The following FBXL2 variants were observed in gnomAD, a reference collection of about 807,000 sequenced individuals.
The protein encoded by FBXL2 is F-box and leucine rich repeat protein 2.
A neutral mutation model predicts 69.2 loss-of-function variants in FBXL2; 38 were observed. The ratio of observed to expected loss-of-function variants is 0.55; its 90% CI spans 0.42 to 0.72. FBXL2 has a LOEUF of 0.72. Among genes scored for constraint, FBXL2 ranks in the 30% least tolerant of loss-of-function variants. The probability of loss-of-function intolerance (pLI) is 0.00; values close to 1 mark genes in which losing one functional copy is unlikely to be tolerated. For missense variants in FBXL2, 354 were observed against 520.3 expected, an observed-to-expected ratio of 0.68 and a Z score of 3.11; for synonymous variants, 192 against 201.3, an observed-to-expected ratio of 0.95 and a Z score of 0.39.
intron 2 of FBXL2, chr3:33,300,490 GACTTATGTTCCC>G (rs1466235407): frequency 1.3e-5 from 2 of 152,110 alleles, no homozygotes; most frequent in Non-Finnish European, 2.9e-5. Flanking sequence ...TCTCTTCATA[GACTTATGTTCCC>G]ACTTGTATTC....
chr3:33,382,361 C>T (rs2043120478), intron 13 of FBXL2, among the ~76,000 whole-genome samples: 1 of 152,192 alleles, frequency 6.6e-6, no homozygotes, highest in Admixed American at 6.5e-5. Context: ...TCAACATTAT[C>T]ATGACCCCGG....
At chr3:33,380,555 TAAAAAAA>T (rs57394351) in intron 13 of FBXL2, among the ~76,000 whole-genome samples, 6 of 97,326 alleles carry the variant, frequency 6.2e-5, no homozygotes, top group South Asian at 6.2e-4. Context: ...CAAAACTCCA[TAAAAAAA>T]AAAAAAAAAA....
intron 12 of FBXL2, chr3:33,400,961 C>T: frequency 6.3e-7 from 1 of 1,593,916 alleles, no homozygotes; most frequent in Non-Finnish European, 8.5e-7. Flanking sequence ...AAGATACTTA[C>T]TTCACCAGAG....
intron 2 of FBXL2, among the ~76,000 whole-genome samples, chr3:33,311,863 A>T (rs1000602056): frequency 2.0e-5 from 3 of 151,844 alleles, no homozygotes; most frequent in African/African-American, 7.3e-5. Context: ...TGACCCCATG[A>T]TCCCTCGCCT....
intron 12 of FBXL2, chr3:33,400,822 A>G (rs1368781226): frequency 1.2e-6 from 1 of 803,440 alleles, no homozygotes; most frequent in Non-Finnish European, 2.0e-6. Context: ...ATGGACACCC[A>G]AAATATCCTG....
chr3:33,384,832 G>C (rs1349469858), intron 14 of FBXL2, among the ~76,000 whole-genome samples: 1 of 151,930 alleles, frequency 6.6e-6, no homozygotes, highest in African/African-American at 2.4e-5. Context: ...CAAGGTCAAG[G>C]GTTCGAGACC....
At chr3:33,410,027 A>C in the FBXL2 span, among the ~76,000 whole-genome samples, 3 of 152,144 alleles carry the variant, frequency 2.0e-5, no homozygotes. Context: ...CATTACCCCT[A>C]TTCTACCCAG....
At chr3:33,380,526 CCA>C (rs1366668952) in intron 13 of FBXL2, among the ~76,000 whole-genome samples, 2 of 148,590 alleles carry the variant, frequency 1.3e-5, no homozygotes, top group African/African-American at 5.0e-5. Flanking sequence ...CCATTGCACT[CCA>C]GCCTGGGCAA....
the FBXL2 span, among the ~76,000 whole-genome samples, chr3:33,420,108 G>C: frequency 2.0e-5 from 3 of 152,236 alleles, no homozygotes; most frequent in Non-Finnish European, 2.9e-5. Context: ...CCCAAGATGT[G>C]ACAGCCCCCA....
chr3:33,317,742 A>G (rs545883633), intron 2 of FBXL2: 21 of 276,996 alleles, frequency 7.6e-5, no homozygotes, highest in African/African-American at 4.4e-4. Context: ...TTCCATGACT[A>G]CATCTGAAGT....
the FBXL2 span, among the ~76,000 whole-genome samples, chr3:33,417,207 T>C: frequency 5.9e-5 from 9 of 152,144 alleles, 1 homozygote; most frequent in Admixed American, 4.6e-4. Flanking sequence ...ATAGTCAGAG[T>C]TGTGCAACCA....
chr3:33,333,333 T>C (rs909788890), intron 2 of FBXL2, among the ~76,000 whole-genome samples: 103 of 152,226 alleles, frequency 6.8e-4, no homozygotes, highest in African/African-American at 2.4e-3. Context: ...ACAATCTTAG[T>C]TGGATGATGG....
At chr3:33,388,931 A>T (rs2043640723), downstream of FBXL2, 1 of 152,192 alleles carries the variant, frequency 6.6e-6, no homozygotes. Context: ...CACAATGAGG[A>T]TCAAATAGTA....
intron 1 of FBXL2, among the ~76,000 whole-genome samples, chr3:33,282,122 A>G (rs1254910334): frequency 1.3e-5 from 2 of 152,116 alleles, no homozygotes; most frequent in Non-Finnish European, 2.9e-5. Flanking sequence ...GTCCTTGCCC[A>G]TGCCTATGTC....
chr3:33,352,369 G>A (rs902122559), intron 2 of FBXL2, among the ~76,000 whole-genome samples: 14 of 152,158 alleles, frequency 9.2e-5, no homozygotes, highest in African/African-American at 3.4e-4. Flanking sequence ...TAGAAGAAGT[G>A]TAGGAGAAAA....
chr3:33,309,908 C>A, intron 2 of FBXL2, among the ~76,000 whole-genome samples: 1 of 152,076 alleles, frequency 6.6e-6, no homozygotes. Context: ...CGCCTGTAAT[C>A]CCAGCACTTT....
intron 1 of FBXL2, among the ~76,000 whole-genome samples, chr3:33,281,433 C>G (rs1446018875): frequency 6.6e-6 from 1 of 152,108 alleles, no homozygotes; most frequent in African/African-American, 2.4e-5. Context: ...TTTTCTTAAT[C>G]CAGTCTATCA....
intron 2 of FBXL2, among the ~76,000 whole-genome samples, chr3:33,330,955 A>G (rs1469867605): frequency 6.6e-6 from 1 of 151,166 alleles, no homozygotes; most frequent in East Asian, 1.9e-4. Context: ...CATATAAAGT[A>G]TATATTATAA....
Position 33,340,154 on chromosome 3 carries a change from C to T in FBXL2, c.66-18813C>T, listed in dbSNP as rs182103491. On this transcript the variant is annotated intron_variant, in intron 2 of 14. Coordinates refer to ENST00000484457, the MANE Select transcript of FBXL2 (RefSeq NM_012157.5). ...GTTTATCTCTGGGTGCATAAAAAGGCAAAACAGAATCTTTTGGTGTTGAAT... is the reference window on the plus strand; with the variant it reads ...GTTTATCTCTGGGTGCATAAAAAGGTAAAACAGAATCTTTTGGTGTTGAAT... 8.3e-4 allele frequency among the ~76,000 whole-genome samples: 126 copies of T among 152,162 alleles called. 1 individual carries two copies. The highest frequency in any genetic ancestry group is 1.4e-3 in the Non-Finnish European group (92 of 67,996).
Sources: allele counts gnomAD v4.1 joint callset (sites outside exome capture counted in the v4.1 genomes callset), GRCh38; gene constraint gnomAD v4.1.1; transcripts MANE v1.5; gene names NCBI Gene and HGNC (gene_info 2026-07-23, HGNC 2026-07-21).